ATG7: variants seen among roughly 807,000 people sequenced by gnomAD.
ATG7 encodes autophagy related 7.
Under a neutral mutation model 82.4 loss-of-function variants are expected in ATG7, and 70 were observed. The ratio of observed to expected loss-of-function variants is 0.85; its 90% CI spans 0.70 to 1.04. ATG7 has a LOEUF of 1.04. ATG7 is among the 50% of genes least tolerant of loss of function. ATG7 has a pLI of 0.00. For missense variants in ATG7, 792 were observed against 864.3 expected (o/e 0.92, Z 1.05); for synonymous variants, 287 against 313.0 (o/e 0.92, Z 0.88).
chr3:11,405,053 T>G (rs1390039075), intron 19 of ATG7, among the ~76,000 whole-genome samples: 2 of 152,180 alleles, frequency 1.3e-5, no homozygotes, highest in African/African-American at 4.8e-5. Context: ...TTTAAAGCTT[T>G]TTGTTGGCTT....
chr3:11,437,995 A>G (rs764318946), intron 20 of ATG7, among the ~76,000 whole-genome samples: 2 of 152,204 alleles, frequency 1.3e-5, no homozygotes, highest in Non-Finnish European at 2.9e-5. Context: ...AGCTGGTAAT[A>G]TTATACTTAG....
chr3:11,320,052 G>A (rs1321829065), intron 9 of ATG7, among the ~76,000 whole-genome samples: 1 of 152,164 alleles, frequency 6.6e-6, no homozygotes, highest in Non-Finnish European at 1.5e-5. Flanking sequence ...AGTCTGTGTG[G>A]CCTGGCCCCT....
intron 19 of ATG7, among the ~76,000 whole-genome samples, chr3:11,417,705 T>C (rs1198236716): frequency 6.6e-6 from 1 of 151,560 alleles, no homozygotes; most frequent in Admixed American, 6.6e-5. Context: ...CTATTTTCCA[T>C]TTGTCACCTT....
At chr3:11,567,181 G>A in the ATG7 span, among the ~76,000 whole-genome samples, 6 of 152,144 alleles carry the variant, frequency 3.9e-5, no homozygotes, top group African/African-American at 1.2e-4. Flanking sequence ...TCCGAGCCTC[G>A]GCGTCCCCAT....
chr3:11,412,041 A>G (rs1192224983), intron 19 of ATG7, among the ~76,000 whole-genome samples: 3 of 151,936 alleles, frequency 2.0e-5, no homozygotes, highest in African/African-American at 7.3e-5. Context: ...GGTGCACAGA[A>G]AGCCAATCAC....
downstream of ATG7, chr3:11,559,197 G>A (rs923525735): frequency 2.2e-5 from 30 of 1,389,554 alleles, no homozygotes; most frequent in Middle Eastern, 2.3e-4. Context: ...CACACTGGAC[G>A]TGCTCAAGAA....
At chr3:11,506,218 G>A (rs2091698484) in intron 20 of ATG7, among the ~76,000 whole-genome samples, 1 of 152,180 alleles carries the variant, frequency 6.6e-6, no homozygotes, top group South Asian at 2.1e-4. Context: ...GAATATCACA[G>A]TTTAAACATG....
chr3:11,446,404 CT>C, intron 20 of ATG7: 2 of 328,300 alleles, frequency 6.1e-6, no homozygotes, highest in Middle Eastern at 5.6e-4. Flanking sequence ...CTATAATCTA[CT>C]TTTGTAAATG....
chr3:11,564,970 G>A, the ATG7 span: 88 of 1,542,952 alleles, frequency 5.7e-5, no homozygotes, highest in Admixed American at 4.2e-4. Context: ...ATGGGGCTGC[G>A]GCTCCGCTCC....
chr3:11,500,696 G>A (rs1031488549), intron 20 of ATG7, among the ~76,000 whole-genome samples: 8 of 151,934 alleles, frequency 5.3e-5, no homozygotes, highest in African/African-American at 1.7e-4. Context: ...TACCCAGGCC[G>A]GACGTCTCAC....
At chr3:11,405,748 C>T (rs1002898103) in intron 19 of ATG7, among the ~76,000 whole-genome samples, 38 of 152,192 alleles carry the variant, frequency 2.5e-4, no homozygotes, top group African/African-American at 8.7e-4. Flanking sequence ...CCACTTCAGC[C>T]TCCCAAGTAG....
At chr3:11,564,605 G>A in the ATG7 span, among the ~76,000 whole-genome samples, 5 of 150,114 alleles carry the variant, frequency 3.3e-5, no homozygotes, top group Admixed American at 2.7e-4. Flanking sequence ...AAAAGCAGAA[G>A]AGGACTCCTG....
intron 20 of ATG7, among the ~76,000 whole-genome samples, chr3:11,464,467 C>G (rs994583242): frequency 6.6e-6 from 1 of 152,212 alleles, no homozygotes; most frequent in Admixed American, 6.5e-5. Flanking sequence ...CGCACCCCCT[C>G]GGTAAAGTAC....
chr3:11,438,495 G>A (rs1372875588), intron 20 of ATG7, among the ~76,000 whole-genome samples: 1 of 152,134 alleles, frequency 6.6e-6, no homozygotes. Context: ...GAACCCGGGA[G>A]GTGGAGGTTG....
At chr3:11,478,396 T>C (rs963499108) in intron 20 of ATG7, among the ~76,000 whole-genome samples, 1 of 152,198 alleles carries the variant, frequency 6.6e-6, no homozygotes, top group Non-Finnish European at 1.5e-5. Context: ...CACCCATTAA[T>C]GGTGTGGTCT....
intron 20 of ATG7, among the ~76,000 whole-genome samples, chr3:11,527,067 GTGTGTA>G (rs1190557361): frequency 1.1e-3 from 105 of 95,306 alleles, no homozygotes; most frequent in African/African-American, 4.1e-3. Context: ...GTGTGTGTGT[GTGTGTA>G]TATATATATA....
Position 11,485,448 on chromosome 3 carries a change from G to A in ATG7, c.2079+58522G>A, listed in dbSNP as rs570895985. 1.1e-3 allele frequency among the ~76,000 whole-genome samples: 168 copies of A among 152,224 alleles called. 2 individuals carry two copies. Among genetic ancestry groups the A allele is most frequent in the African/African-American group, 3.9e-3 (164 of 41,540 alleles). On this transcript the variant is annotated intron_variant, in intron 20 of 20. Transcript: ENST00000693202. ...TGTAGATTCTGGACATTAGCCCTTCGTCAGATGAGTAGGTTGTGAAAATTT... is the reference window on the plus strand; with the variant it reads ...TGTAGATTCTGGACATTAGCCCTTCATCAGATGAGTAGGTTGTGAAAATTT...
intron 9 of ATG7, among the ~76,000 whole-genome samples, chr3:11,323,676 C>T (rs1273373477): frequency 2.6e-5 from 4 of 152,230 alleles, no homozygotes; most frequent in Non-Finnish European, 5.9e-5. Flanking sequence ...ACAACATTAG[C>T]CTTTAATTCT....
chr3:11,432,079 A>G (rs2082944006), intron 20 of ATG7, among the ~76,000 whole-genome samples: 1 of 152,076 alleles, frequency 6.6e-6, no homozygotes, highest in South Asian at 2.1e-4. Flanking sequence ...TTGGAGGGGG[A>G]GAGGTCAATG....
Sources: allele counts gnomAD v4.1 joint callset (sites outside exome capture counted in the v4.1 genomes callset), GRCh38; gene constraint gnomAD v4.1.1; transcripts MANE v1.5; gene names NCBI Gene and HGNC (gene_info 2026-07-23, HGNC 2026-07-21).